The following RGS6 variants were observed in gnomAD, a reference collection of about 807,000 sequenced individuals.
RGS6 encodes regulator of G-protein signaling 6.
In RGS6, 30 loss-of-function variants were observed where a neutral mutation model predicts 78.5. The observed-to-expected ratio is 0.38, with a 90% CI of 0.29 to 0.52. The LOEUF (loss-of-function observed/expected upper bound fraction) is 0.52, where lower values mean the gene tolerates loss of function less well. Ranked by LOEUF, RGS6 falls within the 20% of genes least tolerant of loss-of-function variation. The pLI is 0.85. For missense variants in RGS6, 495 were observed against 609.7 expected, an observed-to-expected ratio of 0.81 and a Z score of 1.98; for synonymous variants, 206 against 206.0, an observed-to-expected ratio of 1.00 and a Z score of 0.00.
At chr14:72,200,076 A>G (rs1242053985) in intron 2 of RGS6, among the ~76,000 whole-genome samples, 3 of 152,152 alleles carry the variant, frequency 2.0e-5, no homozygotes, top group African/African-American at 7.2e-5. Context: ...TTGTTTCTCT[A>G]AAGTGACCTA....
chr14:72,129,373 A>T (rs932703906), intron 2 of RGS6, among the ~76,000 whole-genome samples: 18 of 152,376 alleles, frequency 1.2e-4, no homozygotes, highest in East Asian at 1.9e-4. Context: ...TTGTTTAATG[A>T]ATAAACAAAT....
At chr14:72,339,011 TATC>T (rs1567795089) in intron 2 of RGS6, among the ~76,000 whole-genome samples, 1 of 152,220 alleles carries the variant, frequency 6.6e-6, no homozygotes, top group South Asian at 2.1e-4. Flanking sequence ...AATAAACTAT[TATC>T]CTTTAGAATT....
At chr14:72,481,895 G>T (rs998592159) in intron 12 of RGS6, among the ~76,000 whole-genome samples, 1 of 143,134 alleles carries the variant, frequency 7.0e-6, no homozygotes, top group Non-Finnish European at 1.5e-5. Context: ...TGCAAGCTCC[G>T]CCTCCCGGGT....
intron 2 of RGS6, among the ~76,000 whole-genome samples, chr14:72,124,690 A>G (rs2096144210): frequency 6.6e-6 from 1 of 152,190 alleles, no homozygotes; most frequent in African/African-American, 2.4e-5. Flanking sequence ...AATCAAAGGT[A>G]TTTCTTGTAT....
At chr14:72,517,135 TAAAA>T (rs34414996) in intron 14 of RGS6, among the ~76,000 whole-genome samples, 4 of 142,280 alleles carry the variant, frequency 2.8e-5, no homozygotes, top group Non-Finnish European at 3.1e-5. Flanking sequence ...TGTTTAACCC[TAAAA>T]AAAAAAAAAA....
chr14:72,036,436 G>A (rs1032076053), intron 2 of RGS6, among the ~76,000 whole-genome samples: 4 of 152,090 alleles, frequency 2.6e-5, no homozygotes, highest in African/African-American at 7.2e-5. Flanking sequence ...TAAGGTTGCT[G>A]AGTCAACCGG....
At chr14:72,358,329 C>T (rs1376196410) in intron 3 of RGS6, among the ~76,000 whole-genome samples, 1 of 152,148 alleles carries the variant, frequency 6.6e-6, no homozygotes, top group Non-Finnish European at 1.5e-5. Flanking sequence ...CCACTGTCCT[C>T]CAGACTCCAG....
intron 2 of RGS6, among the ~76,000 whole-genome samples, chr14:72,172,281 G>A (rs183653658): frequency 6.6e-6 from 1 of 150,970 alleles, no homozygotes; most frequent in African/African-American, 2.4e-5. Context: ...TAGTTCTTTT[G>A]TGTAATCTAG....
At chr14:71,998,218 T>C (rs1214259894) in intron 2 of RGS6, among the ~76,000 whole-genome samples, 6 of 152,198 alleles carry the variant, frequency 3.9e-5, no homozygotes, top group Non-Finnish European at 7.3e-5. Flanking sequence ...TTGCATTATT[T>C]TGAGTTTCTG....
intron 2 of RGS6, among the ~76,000 whole-genome samples, chr14:72,333,916 C>T (rs1033970438): frequency 1.3e-5 from 2 of 152,300 alleles, no homozygotes; most frequent in South Asian, 2.1e-4. Flanking sequence ...TCTCTGCATC[C>T]CCAAATGAGC....
intron 3 of RGS6, among the ~76,000 whole-genome samples, chr14:72,453,052 G>A (rs1056330762): frequency 2.0e-5 from 3 of 152,182 alleles, no homozygotes; most frequent in Non-Finnish European, 4.4e-5. Context: ...AGGACTGTCT[G>A]AATAGCTGAA....
chr14:72,230,025 A>G (rs1028892023), intron 2 of RGS6, among the ~76,000 whole-genome samples: 1 of 152,224 alleles, frequency 6.6e-6, no homozygotes, highest in African/African-American at 2.4e-5. Flanking sequence ...TGGATGAATC[A>G]ACCAATGACT....
intron 2 of RGS6, among the ~76,000 whole-genome samples, chr14:72,291,121 A>G (rs748564549): frequency 1.1e-4 from 17 of 151,696 alleles, no homozygotes; most frequent in Non-Finnish European, 2.4e-4. Flanking sequence ...TCAGGCTCCG[A>G]TGTTTCAACT....
At chr14:72,203,122 G>T (rs1043062269) in intron 2 of RGS6, among the ~76,000 whole-genome samples, 1 of 151,990 alleles carries the variant, frequency 6.6e-6, no homozygotes, top group Admixed American at 6.6e-5. Flanking sequence ...TGATCTGCCC[G>T]CCTCGGCCTC....
the RGS6 span, among the ~76,000 whole-genome samples, chr14:71,872,388 G>A: frequency 2.0e-5 from 3 of 152,170 alleles, no homozygotes; most frequent in African/African-American, 4.8e-5. Flanking sequence ...AAGGGGGAGT[G>A]ATTCCTTTTC....
chr14:72,424,116 C>G (rs1445591316), intron 3 of RGS6, among the ~76,000 whole-genome samples: 3 of 152,154 alleles, frequency 2.0e-5, no homozygotes, highest in African/African-American at 7.2e-5. Context: ...GGGCTGCCAC[C>G]CTGCTTGGGG....
intron 2 of RGS6, among the ~76,000 whole-genome samples, chr14:72,300,396 T>G (rs1206247912): frequency 6.6e-6 from 1 of 152,188 alleles, no homozygotes; most frequent in Non-Finnish European, 1.5e-5. Context: ...GTTGGAAGAA[T>G]ATGCAGACAG....
intron 2 of RGS6, among the ~76,000 whole-genome samples, chr14:72,306,642 G>A (rs2067307222): frequency 6.6e-6 from 1 of 152,178 alleles, no homozygotes; most frequent in African/African-American, 2.4e-5. Context: ...CTTCAGTGGA[G>A]GAAGTCACTG....
the RGS6 span, among the ~76,000 whole-genome samples, chr14:71,876,383 C>T: frequency 2.6e-4 from 39 of 151,202 alleles, no homozygotes; most frequent in African/African-American, 8.7e-4. Flanking sequence ...TGAATTGATC[C>T]CTTTACCATT....
Sources: allele counts gnomAD v4.1 joint callset (sites outside exome capture counted in the v4.1 genomes callset), GRCh38; gene constraint gnomAD v4.1.1; transcripts MANE v1.5; gene names NCBI Gene and HGNC (gene_info 2026-07-23, HGNC 2026-07-21).